LOXHD1: variants seen among roughly 807,000 people sequenced by gnomAD.
LOXHD1 encodes the protein lipoxygenase homology domain-containing protein 1.
LOXHD1 carries 205 observed loss-of-function variants against 248.2 expected under a neutral mutation model. That is an observed-to-expected ratio of 0.83 (90% CI 0.74 to 0.93). The LOEUF (loss-of-function observed/expected upper bound fraction) is 0.93, where lower values mean the gene tolerates loss of function less well. LOXHD1 is among the 40% of genes least tolerant of loss of function. The pLI, the probability that LOXHD1 is intolerant of heterozygous loss-of-function variation, is 0.00. For missense variants in LOXHD1, 2,930 were observed against 2,971.6 expected, an observed-to-expected ratio of 0.99 and a Z score of 0.33; for synonymous variants, 1,113 against 1,162.8, an observed-to-expected ratio of 0.96 and a Z score of 0.87.
At chr18:46,614,228 C>G (rs2038550242) in intron 5 of LOXHD1, among the ~76,000 whole-genome samples, 1 of 152,068 alleles carries the variant, frequency 6.6e-6, no homozygotes, top group South Asian at 2.1e-4. Flanking sequence ...GGTATATACC[C>G]AAAGGATTAT....
At chr18:46,651,420 A>G (rs2039109772) in intron 1 of LOXHD1, among the ~76,000 whole-genome samples, 2 of 152,140 alleles carry the variant, frequency 1.3e-5, no homozygotes, top group South Asian at 4.2e-4. Context: ...GGGACCTGAC[A>G]TGTTGCCCAC....
chr18:46,598,815 G>A (rs2038296632), intron 8 of LOXHD1, among the ~76,000 whole-genome samples: 1 of 152,064 alleles, frequency 6.6e-6, no homozygotes, highest in Non-Finnish European at 1.5e-5. Context: ...TAAATTTTAA[G>A]AAGTATACCA....
Position 46,529,259 on chromosome 18 carries a change from G to A in LOXHD1, c.4448C>T (p.Thr1483Ile). 1 of 1,551,824 alleles carries A rather than the reference G, an allele frequency of 6.4e-7. No homozygotes were observed. The highest frequency in any genetic ancestry group is 8.7e-7 in the Non-Finnish European group (1 of 1,147,024). ...GAGTDAKVYITIYGDLGDTGE... is the reference protein window; with the variant it reads ...GAGTDAKVYIIIYGDLGDTGE... The stretch of plus-strand genomic sequence containing the variant: ...AGTGTCCCCGAGGTCTCCATAGATG[G>A]TGATGTACACCTTGGCATCCGTCCC... The change falls in exon 29 of 41, where the codon ACC becomes ATC. Residue 1483 changes from threonine (T) to isoleucine (I), a missense_variant. By Grantham distance (89) the Thr-to-Ile change is moderately conservative. Coordinates refer to ENST00000642948, the MANE Select transcript of LOXHD1 (RefSeq NM_001384474.1).
At position 46,524,929 on chromosome 18, in the gene LOXHD1, A is replaced by G. The variant is rs754791003; in HGVS notation, c.4531-12T>C. ...ATGAAGGTGTCAGCCTGGGGAGCCC[A>G]GATGTGGGGACTCATATGGGGGTGT... On this transcript the variant is annotated splice_polypyrimidine_tract_variant and intron_variant, in intron 29 of 40. Transcript: ENST00000642948. 1.3e-6 allele frequency: 2 copies of G among 1,551,494 alleles called. No individual in the cohort carries two copies. Among genetic ancestry groups the G allele is most frequent in the Non-Finnish European group, 1.7e-6 (2 of 1,146,952 alleles).
intron 4 of LOXHD1, among the ~76,000 whole-genome samples, chr18:46,634,274 A>G (rs1054384667): frequency 2.6e-5 from 4 of 152,250 alleles, no homozygotes; most frequent in Admixed American, 2.6e-4. Context: ...GACACGTGCC[A>G]TAGCATGGAT....
chr18:46,547,335 T>C (rs977431129), intron 21 of LOXHD1, among the ~76,000 whole-genome samples: 3 of 152,180 alleles, frequency 2.0e-5, no homozygotes, highest in African/African-American at 7.2e-5. Context: ...CAGGGTCATA[T>C]TGGATGGAAG....
Position 46,532,150 on chromosome 18 carries a change from G to T in LOXHD1, c.4375+1012C>A, listed in dbSNP as rs80349303. On this transcript the variant is annotated intron_variant, in intron 28 of 40. Transcript: ENST00000642948. ...AAGACAACACAACAAATTTAAGGTGGATTTTCAAGCTCTTGGAGCTTCTTT... is the reference window on the plus strand; with the variant it reads ...AAGACAACACAACAAATTTAAGGTGTATTTTCAAGCTCTTGGAGCTTCTTT... Among the ~76,000 whole-genome samples the T allele has an allele frequency of 2.2e-3, 339 of 152,278 alleles. 5 individuals carry two copies. In the East Asian group the frequency reaches 0.054, roughly 24 times the overall value.
At chr18:46,496,860 G>A (rs552542600) in intron 37 of LOXHD1, among the ~76,000 whole-genome samples, 12 of 152,194 alleles carry the variant, frequency 7.9e-5, no homozygotes, top group Admixed American at 1.3e-4. Flanking sequence ...AAAATTAGCC[G>A]GGTGTGGTGG....
chr18:46,613,490 T>C (rs932883664), intron 5 of LOXHD1, among the ~76,000 whole-genome samples: 3 of 152,140 alleles, frequency 2.0e-5, no homozygotes, highest in African/African-American at 7.2e-5. Context: ...ATGATCATTA[T>C]TTTTTACAAA....
At chr18:46,626,840 A>T (rs1292823798) in intron 4 of LOXHD1, among the ~76,000 whole-genome samples, 1 of 152,148 alleles carries the variant, frequency 6.6e-6, no homozygotes, top group Non-Finnish European at 1.5e-5. Context: ...CATCTATTAG[A>T]TGGGGGTAAC....
intron 37 of LOXHD1, among the ~76,000 whole-genome samples, chr18:46,504,849 A>C (rs913538577): frequency 6.6e-6 from 1 of 152,368 alleles, no homozygotes; most frequent in South Asian, 2.1e-4. Context: ...TTGCAGAGAC[A>C]TGTTTCTACA....
intron 18 of LOXHD1, 94 bp from the exon 19 acceptor site, chr18:46,560,639 T>TG (rs2037506511): frequency 1.7e-6 from 2 of 1,199,154 alleles, no homozygotes; most frequent in Non-Finnish European, 2.3e-6. Context: ...GCACAAGGCC[T>TG]GTTTGCTAAG....
intron 33 of LOXHD1, chr18:46,519,194 TGAAG>T: frequency 1.4e-6 from 1 of 714,704 alleles, no homozygotes; most frequent in Non-Finnish European, 1.7e-6. Flanking sequence ...CAGTGAAGTC[TGAAG>T]GTTCAGGAGA....
chr18:46,527,647 A>G (rs538148348), intron 29 of LOXHD1, among the ~76,000 whole-genome samples: 8 of 152,306 alleles, frequency 5.3e-5, no homozygotes, highest in African/African-American at 1.7e-4. Context: ...AGGGACAATC[A>G]CATAAATCAC....
Position 46,542,888 on chromosome 18 carries a change from G to A in LOXHD1, c.3620-33C>T, listed in dbSNP as rs1246465697. 3 of 1,551,580 alleles carry A rather than the reference G, an allele frequency of 1.9e-6. No individual in the cohort carries two copies. The South Asian group carries it at 3.6e-5, about 18-fold the overall frequency. ...TCAGATGACCCCAGCATGACTGGCTGGACCTGAGGCCTTTCAAGCCTAGTC... is the reference window on the plus strand; with the variant it reads ...TCAGATGACCCCAGCATGACTGGCTAGACCTGAGGCCTTTCAAGCCTAGTC... On this transcript the variant is annotated intron_variant, in intron 23 of 40. Coordinates refer to ENST00000642948, the MANE Select transcript of LOXHD1 (RefSeq NM_001384474.1).
At chr18:46,531,432 T>C (rs946881024) in intron 28 of LOXHD1, among the ~76,000 whole-genome samples, 3 of 152,012 alleles carry the variant, frequency 2.0e-5, no homozygotes, top group African/African-American at 7.2e-5. Flanking sequence ...CCTCATCCAT[T>C]TTCTAGCTGT....
chr18:46,594,384 A>C lies in LOXHD1; in HGVS notation c.1217T>G (p.Leu406Trp), dbSNP rs1274241367. ...CATCTCATAGAGCTGCCTCTCAATC[A>C]ACCCATCCGCTTTCTTCTCATCCAG... ...NWLDEKKADG[L>W]IERQLYEMVS... The change falls in exon 9 of 41, where the codon TTG becomes TGG. Residue 406 changes from leucine (L) to tryptophan (W), a missense_variant. Transcript: ENST00000642948. The C allele has an allele frequency of 4.5e-6, 7 of 1,551,480 alleles. No individual in the cohort carries two copies. The African/African-American group carries it at 9.6e-5, about 21-fold the overall frequency.
Position 46,529,216 on chromosome 18 carries a change from G to A in LOXHD1, c.4491C>T (p.Gly1497=). 6.4e-7 allele frequency: 1 copy of A among 1,551,566 alleles called. No individual in the cohort carries two copies. Among genetic ancestry groups the A allele is most frequent in the Non-Finnish European group, 8.7e-7 (1 of 1,146,978 alleles). Residue 1497 remains glycine, a synonymous_variant, in exon 29 of 41, where the codon GGC becomes GGT. Coordinates refer to ENST00000642948, the MANE Select transcript of LOXHD1 (RefSeq NM_001384474.1). ...DLGDTGERYL[G]KSENRTNKFE... Reference sequence around the variant, plus strand: ...ACTTGTTGGTCCGGTTCTCTGACTTGCCAAGGTATCGCTCCCCAGTGTCCC... The same window carrying A: ...ACTTGTTGGTCCGGTTCTCTGACTTACCAAGGTATCGCTCCCCAGTGTCCC...
At chr18:46,485,796 C>T (rs573339919) in intron 38 of LOXHD1, among the ~76,000 whole-genome samples, 4 of 152,214 alleles carry the variant, frequency 2.6e-5, no homozygotes, top group South Asian at 2.1e-4. Context: ...GCCAAAGTAC[C>T]GTGGGGTAAG....
Sources: allele counts gnomAD v4.1 joint callset (sites outside exome capture counted in the v4.1 genomes callset), GRCh38; gene constraint gnomAD v4.1.1; transcripts MANE v1.5; gene names NCBI Gene and HGNC (gene_info 2026-07-23, HGNC 2026-07-21).